Variants in ASTN2 observed in about 807,000 individuals in gnomAD.
The protein encoded by ASTN2 is astrotactin-2.
A neutral mutation model predicts 139.8 loss-of-function variants in ASTN2; 54 were observed. The observed-to-expected ratio is 0.39, with a 90% CI of 0.31 to 0.48. The LOEUF is 0.48. Among genes scored for constraint, ASTN2 ranks in the 20% least tolerant of loss-of-function variants. The probability of loss-of-function intolerance (pLI) is 0.95; values close to 1 mark genes in which losing one functional copy is unlikely to be tolerated. For synonymous variants in ASTN2, 756 were observed against 719.5 expected (o/e 1.05, Z -0.81); for missense variants, 1,565 against 1,725.1 (o/e 0.91, Z 1.64).
chr9:117,291,273 C>T, intron 2 of ASTN2, 53 bp downstream of exon 2: 1 of 1,597,042 alleles, frequency 6.3e-7, no homozygotes, highest in African/African-American at 1.3e-5. Flanking sequence ...ATCTCTCCAC[C>T]CATTCCTCCC....
intron 13 of ASTN2, among the ~76,000 whole-genome samples, chr9:116,775,589 GAGGGAGGGAGGGAGGGAAAGAA>G (rs1830062862): frequency 4.0e-5 from 2 of 50,044 alleles, no homozygotes; most frequent in Non-Finnish European, 7.5e-5. Context: ...GGAAGTAAGG[GAGGGAGGGAGGGAGGGAAAGAA>G]GGAAGGAAGG....
At chr9:117,211,147 G>A (rs1435910854) in intron 3 of ASTN2, among the ~76,000 whole-genome samples, 3 of 152,014 alleles carry the variant, frequency 2.0e-5, no homozygotes, top group African/African-American at 7.3e-5. Flanking sequence ...AATCATTCTT[G>A]TCAAACACAA....
At chr9:117,037,297 C>A (rs1444314637) in intron 6 of ASTN2, among the ~76,000 whole-genome samples, 2 of 151,168 alleles carry the variant, frequency 1.3e-5, no homozygotes, top group Non-Finnish European at 2.9e-5. Context: ...CCTTCCAAAT[C>A]ATCAAGACGG....
chr9:116,843,584 G>C (rs1321638287), intron 11 of ASTN2, among the ~76,000 whole-genome samples: 3 of 151,496 alleles, frequency 2.0e-5, no homozygotes, highest in Non-Finnish European at 4.4e-5. Flanking sequence ...GCTTGAACTC[G>C]GGAGGCAGAT....
intron 17 of ASTN2, among the ~76,000 whole-genome samples, chr9:116,632,180 GA>G (rs1856796747): frequency 1.8e-4 from 3 of 17,132 alleles, no homozygotes; most frequent in African/African-American, 8.2e-4. Flanking sequence ...GAGAGAGAGA[GA>G]GAGGGAGAGA....
chr9:117,002,788 C>T (rs1438939633), intron 7 of ASTN2, among the ~76,000 whole-genome samples: 1 of 152,152 alleles, frequency 6.6e-6, no homozygotes, highest in Non-Finnish European at 1.5e-5. Context: ...CGCCTTGCTC[C>T]AGCAAAGTTT....
At chr9:117,412,669 T>C (rs1831200676) in intron 1 of ASTN2, among the ~76,000 whole-genome samples, 1 of 152,258 alleles carries the variant, frequency 6.6e-6, no homozygotes, top group East Asian at 1.9e-4. Context: ...TTCACTTGAA[T>C]GGCCGTTTGG....
At chr9:116,960,960 A>G (rs1564361206) in intron 10 of ASTN2, among the ~76,000 whole-genome samples, 2 of 152,040 alleles carry the variant, frequency 1.3e-5, no homozygotes, top group African/African-American at 4.8e-5. Flanking sequence ...CCATTTCAAT[A>G]CAGTTAACTC....
intron 19 of ASTN2, among the ~76,000 whole-genome samples, chr9:116,534,043 G>A (rs945139190): frequency 1.3e-5 from 2 of 152,162 alleles, no homozygotes; most frequent in African/African-American, 4.8e-5. Context: ...TTCAGAGCCT[G>A]TTATTGGTCT....
chr9:117,021,685 G>T (rs1020380952), intron 6 of ASTN2, among the ~76,000 whole-genome samples: 2 of 152,072 alleles, frequency 1.3e-5, no homozygotes, highest in African/African-American at 4.8e-5. Context: ...CTAACCAAAT[G>T]ATAATGATCC....
chr9:116,446,091 A>G (rs1847978777), intron 20 of ASTN2, among the ~76,000 whole-genome samples: 1 of 151,978 alleles, frequency 6.6e-6, no homozygotes, highest in Admixed American at 6.5e-5. Context: ...AGTCCCTGAT[A>G]TGAAGGAGAG....
intron 20 of ASTN2, among the ~76,000 whole-genome samples, chr9:116,450,179 T>A (rs559721533): frequency 6.6e-6 from 1 of 152,318 alleles, no homozygotes; most frequent in Admixed American, 6.5e-5. Context: ...ATAAATCTTT[T>A]ACAACCACAC....
chr9:117,304,707 C>T (rs1297545884), intron 1 of ASTN2, among the ~76,000 whole-genome samples: 6 of 152,214 alleles, frequency 3.9e-5, no homozygotes, highest in Non-Finnish European at 8.8e-5. Context: ...AATTCAGCCT[C>T]TACTCCATTA....
intron 22 of ASTN2, among the ~76,000 whole-genome samples, chr9:116,439,194 ATTTTTTTT>A (rs1016270368): frequency 1.2e-4 from 7 of 56,690 alleles, no homozygotes; most frequent in South Asian, 1.0e-3. Flanking sequence ...ATTCAAATAC[ATTTTTTTT>A]TTTTTTTTTT....
chr9:116,596,235 G>A (rs562925106), intron 19 of ASTN2, among the ~76,000 whole-genome samples: 16 of 152,324 alleles, frequency 1.1e-4, no homozygotes, highest in African/African-American at 3.1e-4. Context: ...AATAGGCAAA[G>A]TCAAAGAAGC....
chr9:117,083,765 T>C (rs1444647965), intron 5 of ASTN2, among the ~76,000 whole-genome samples: 3 of 152,164 alleles, frequency 2.0e-5, no homozygotes, highest in African/African-American at 7.2e-5. Flanking sequence ...AAATGACATG[T>C]TTGCTTTATC....
At chr9:116,430,534 A>T (rs1265321431) in intron 22 of ASTN2, among the ~76,000 whole-genome samples, 1 of 152,250 alleles carries the variant, frequency 6.6e-6, no homozygotes, top group African/African-American at 2.4e-5. Flanking sequence ...AGTGTCAGCA[A>T]TGATTCAAAG....
At chr9:116,457,407 GAC>G (rs534164823) in intron 20 of ASTN2, among the ~76,000 whole-genome samples, 157 of 152,192 alleles carry the variant, frequency 1.0e-3, no homozygotes, top group African/African-American at 3.4e-3. Flanking sequence ...TAAGGTGAAA[GAC>G]AGCCCACAGA....
chr9:117,186,950 G>A (rs1027352442), intron 3 of ASTN2, among the ~76,000 whole-genome samples: 2 of 152,160 alleles, frequency 1.3e-5, no homozygotes, highest in South Asian at 2.1e-4. Flanking sequence ...CCAACATGGT[G>A]AAACCCCATC....
Sources: allele counts gnomAD v4.1 joint callset (sites outside exome capture counted in the v4.1 genomes callset), GRCh38; gene constraint gnomAD v4.1.1; transcripts MANE v1.5; gene names NCBI Gene and HGNC (gene_info 2026-07-23, HGNC 2026-07-21).